The following WWOX variants were observed in gnomAD, a reference collection of about 807,000 sequenced individuals.
WWOX encodes WW domain containing oxidoreductase.
Under a neutral mutation model 46.2 loss-of-function variants are expected in WWOX, and 69 were observed. The ratio of observed to expected loss-of-function variants is 1.49; its 90% CI spans 1.23 to 1.82. WWOX has a LOEUF of 1.82. Among genes scored for constraint, WWOX ranks in the 40% most tolerant of loss-of-function variants. The probability of loss-of-function intolerance (pLI) is 0.00; values close to 1 mark genes in which losing one functional copy is unlikely to be tolerated. For synonymous variants in WWOX, 359 were observed against 202.6 expected, an observed-to-expected ratio of 1.77 and a Z score of -6.56; for missense variants, 919 against 542.6, an observed-to-expected ratio of 1.69 and a Z score of -6.89.
rs201062514 is a variant in WWOX at position 78,602,148 on chromosome 16, G to A, written c.1056+169396G>A. On this transcript the variant is annotated intron_variant, in intron 8 of 8. Transcript: ENST00000566780. ...ATCACACTAGTAGAATCTCTCTTTAGTCAGAGCATAGAGGACTGTGAGAGT... is the reference window on the plus strand; with the variant it reads ...ATCACACTAGTAGAATCTCTCTTTAATCAGAGCATAGAGGACTGTGAGAGT... Among the ~76,000 whole-genome samples, 20 of 152,298 alleles carry A rather than the reference G, an allele frequency of 1.3e-4. No individual in the cohort carries two copies. In the East Asian group the frequency reaches 3.1e-3, roughly 24 times the overall value.
chr16:78,786,625 G>T (rs2050464064), intron 8 of WWOX, among the ~76,000 whole-genome samples: 1 of 152,124 alleles, frequency 6.6e-6, no homozygotes, highest in Non-Finnish European at 1.5e-5. Context: ...TATTCGCATG[G>T]TTATGTAATT....
intron 8 of WWOX, among the ~76,000 whole-genome samples, chr16:79,127,563 G>A (rs1014925163): frequency 2.6e-5 from 4 of 152,126 alleles, no homozygotes; most frequent in Non-Finnish European, 5.9e-5. Flanking sequence ...AAATTGTGCC[G>A]CAACGTGTAA....
intron 8 of WWOX, among the ~76,000 whole-genome samples, chr16:79,009,857 T>C (rs1452573293): frequency 6.6e-6 from 1 of 152,154 alleles, no homozygotes; most frequent in East Asian, 1.9e-4. Context: ...CGACCTCATC[T>C]GGGAAGGTGG....
chr16:78,676,966 C>G (rs913923954), intron 8 of WWOX, among the ~76,000 whole-genome samples: 1 of 151,734 alleles, frequency 6.6e-6, no homozygotes, highest in African/African-American at 2.4e-5. Context: ...GGTGTTTCCT[C>G]TGGACTATTT....
intron 8 of WWOX, among the ~76,000 whole-genome samples, chr16:79,155,500 A>T (rs900244678): frequency 7.9e-5 from 12 of 152,034 alleles, no homozygotes; most frequent in Admixed American, 5.2e-4. Context: ...TAATCATTTT[A>T]AAATGTAGAA....
chr16:78,904,311 T>C (rs543586140), intron 8 of WWOX, among the ~76,000 whole-genome samples: 1 of 144,672 alleles, frequency 6.9e-6, no homozygotes, highest in African/African-American at 2.6e-5. Flanking sequence ...TGATCTCGGC[T>C]CACTGCAACC....
chr16:78,879,016 A>G (rs1597097324), intron 8 of WWOX, among the ~76,000 whole-genome samples: 1 of 151,622 alleles, frequency 6.6e-6, no homozygotes, highest in Non-Finnish European at 1.5e-5. Flanking sequence ...GCAGTGAGCT[A>G]TCATTGTGTC....
chr16:78,960,534 A>G (rs2046252734), intron 8 of WWOX, among the ~76,000 whole-genome samples: 1 of 152,256 alleles, frequency 6.6e-6, no homozygotes, highest in African/African-American at 2.4e-5. Flanking sequence ...TTACCCCAGA[A>G]GGAAATATCT....
chr16:79,153,616 C>T (rs760692435), intron 8 of WWOX, among the ~76,000 whole-genome samples: 3 of 152,092 alleles, frequency 2.0e-5, no homozygotes, highest in Non-Finnish European at 4.4e-5. Context: ...CAATAAAGAA[C>T]CTCTAGATTT....
At chr16:79,209,931 T>G (rs1455922087) in intron 8 of WWOX, among the ~76,000 whole-genome samples, 4 of 152,118 alleles carry the variant, frequency 2.6e-5, no homozygotes, top group East Asian at 1.9e-4. Flanking sequence ...CACAAATCAA[T>G]GGGAAAAGAA....
At chr16:78,863,828 C>T (rs2043945253) in intron 8 of WWOX, among the ~76,000 whole-genome samples, 1 of 152,174 alleles carries the variant, frequency 6.6e-6, no homozygotes, top group Non-Finnish European at 1.5e-5. Flanking sequence ...AAACTATGTC[C>T]ACATCCTATA....
chr16:79,167,153 GC>G (rs2050610775), intron 8 of WWOX, among the ~76,000 whole-genome samples: 1 of 152,130 alleles, frequency 6.6e-6, no homozygotes, highest in Non-Finnish European at 1.5e-5. Flanking sequence ...TGTTGGCCAA[GC>G]TGATCTGGAA....
chr16:78,989,142 A>C (rs1279183572), intron 8 of WWOX, among the ~76,000 whole-genome samples: 1 of 152,058 alleles, frequency 6.6e-6, no homozygotes, highest in Non-Finnish European at 1.5e-5. Context: ...TAGAGTTCTG[A>C]AGATGCTGAA....
intron 8 of WWOX, among the ~76,000 whole-genome samples, chr16:78,579,844 C>T (rs936762270): frequency 6.6e-5 from 10 of 152,258 alleles, no homozygotes; most frequent in African/African-American, 1.4e-4. Flanking sequence ...AATGTCTCTT[C>T]TTCTGAAATG....
At chr16:78,647,304 C>T (rs141342862) in intron 8 of WWOX, among the ~76,000 whole-genome samples, 29 of 152,236 alleles carry the variant, frequency 1.9e-4, no homozygotes, top group South Asian at 6.2e-4. Flanking sequence ...GATGCTGGCC[C>T]GGCCCAGGCG....
intron 5 of WWOX, among the ~76,000 whole-genome samples, chr16:78,177,298 C>T (rs1362331005): frequency 2.0e-5 from 3 of 152,090 alleles, no homozygotes; most frequent in Non-Finnish European, 4.4e-5. Flanking sequence ...TTAATTTATC[C>T]AACATCTATT....
intron 8 of WWOX, among the ~76,000 whole-genome samples, chr16:79,082,743 A>C (rs537857011): frequency 1.3e-5 from 2 of 152,130 alleles, no homozygotes; most frequent in African/African-American, 2.4e-5. Context: ...ATGTGATGCA[A>C]ACTTTTGAGA....
chr16:78,646,500 T>G (rs577020371), intron 8 of WWOX, among the ~76,000 whole-genome samples: 8 of 152,250 alleles, frequency 5.3e-5, no homozygotes, highest in African/African-American at 1.9e-4. Context: ...TGATCTTAGC[T>G]CACTGCATCC....
At chr16:78,192,236 T>C (rs541944067) in intron 5 of WWOX, among the ~76,000 whole-genome samples, 3 of 152,182 alleles carry the variant, frequency 2.0e-5, no homozygotes, top group African/African-American at 4.8e-5. Context: ...GGCTCATGCC[T>C]GTAATCCCAG....
Sources: gnomAD v4.1 joint callset for allele counts (sites outside exome capture counted in the v4.1 genomes callset) on GRCh38, gnomAD v4.1.1 for gene constraint, MANE v1.5 for transcripts, NCBI Gene and HGNC (gene_info 2026-07-23, HGNC 2026-07-21) for gene names.